Variants in FILIP1L observed in about 807,000 individuals in gnomAD.
FILIP1L encodes filamin A interacting protein 1 like.
Under a neutral mutation model 96.6 loss-of-function variants are expected in FILIP1L, and 55 were observed. That is an observed-to-expected ratio of 0.57 (90% CI 0.46 to 0.71). The LOEUF is 0.71. Among genes scored for constraint, FILIP1L ranks in the 30% least tolerant of loss-of-function variants. FILIP1L has a pLI of 0.00. For synonymous variants in FILIP1L, 467 were observed against 473.9 expected, an observed-to-expected ratio of 0.99 and a Z score of 0.19; for missense variants, 1,304 against 1,321.2, an observed-to-expected ratio of 0.99 and a Z score of 0.20.
chr3:99,994,989 T>C (rs1248660574), intron 1 of FILIP1L, among the ~76,000 whole-genome samples: 1 of 152,156 alleles, frequency 6.6e-6, no homozygotes, highest in Non-Finnish European at 1.5e-5. Flanking sequence ...ATTCCACCCC[T>C]GGCCCCTCCA....
intron 4 of FILIP1L, among the ~76,000 whole-genome samples, chr3:99,908,476 A>G (rs1430546236): frequency 5.9e-5 from 9 of 152,202 alleles, no homozygotes; most frequent in Non-Finnish European, 1.0e-4. Flanking sequence ...CCAGGAATCT[A>G]TACTTTTAAG....
intron 1 of FILIP1L, among the ~76,000 whole-genome samples, chr3:99,958,296 C>A (rs745822855): frequency 1.1e-4 from 17 of 150,076 alleles, no homozygotes; most frequent in Non-Finnish European, 1.9e-4. Context: ...AGAACAGTAA[C>A]AGAAAGGGAA....
intron 1 of FILIP1L, among the ~76,000 whole-genome samples, chr3:99,989,379 C>T (rs1382117832): frequency 6.6e-6 from 1 of 152,128 alleles, no homozygotes; most frequent in Admixed American, 6.5e-5. Context: ...ATCCCCCAGA[C>T]AAGAAGACTA....
intron 1 of FILIP1L, among the ~76,000 whole-genome samples, chr3:99,952,294 T>A (rs1160600645): frequency 6.6e-6 from 1 of 152,218 alleles, no homozygotes; most frequent in African/African-American, 2.4e-5. Flanking sequence ...TTATTTTGGC[T>A]TAAGCTAGAC....
intron 1 of FILIP1L, among the ~76,000 whole-genome samples, chr3:99,935,109 G>C (rs909139873): frequency 6.6e-6 from 1 of 152,054 alleles, no homozygotes; most frequent in South Asian, 2.1e-4. Context: ...AGAAAACAAA[G>C]ACATGAATTT....
intron 3 of FILIP1L, among the ~76,000 whole-genome samples, chr3:99,925,073 G>C (rs551221488): frequency 5.5e-4 from 84 of 152,260 alleles, no homozygotes; most frequent in Non-Finnish European, 1.1e-3. Flanking sequence ...ATTCGCAGCT[G>C]CCCTAGCTGA....
Position 99,900,136 on chromosome 3 carries a change from GAATT to G in FILIP1L, c.605+24090_605+24093del, listed in dbSNP as rs375105890. On this transcript the variant is annotated intron_variant, in intron 4 of 5. Transcript: ENST00000477258. ...GGTATTCAGTAAATATGTATTGGAT[GAATT>G]AATTTAAAAATTAAAAATATTATAT... Among the ~76,000 whole-genome samples the G allele has an allele frequency of 3.4e-3, 514 of 152,176 alleles. 2 individuals are homozygous for G. Among genetic ancestry groups the G allele is most frequent in the Non-Finnish European group, 4.8e-3 (329 of 67,998 alleles).
intron 4 of FILIP1L, among the ~76,000 whole-genome samples, chr3:99,903,554 A>G (rs557845829): frequency 2.0e-5 from 3 of 152,244 alleles, no homozygotes; most frequent in Admixed American, 6.5e-5. Flanking sequence ...CCGGCCATGT[A>G]TGCATGTTTT....
intron 4 of FILIP1L, among the ~76,000 whole-genome samples, chr3:99,857,216 T>C (rs1040607767): frequency 2.6e-5 from 4 of 152,256 alleles, no homozygotes; most frequent in Non-Finnish European, 5.9e-5. Flanking sequence ...TGTACATGTT[T>C]TTAGGCATTT....
chr3:99,858,342 G>A (rs537449281), intron 4 of FILIP1L, among the ~76,000 whole-genome samples: 2 of 152,064 alleles, frequency 1.3e-5, no homozygotes, highest in African/African-American at 4.8e-5. Flanking sequence ...GCACGTGCCT[G>A]TGGTCCCAGC....
chr3:99,992,994 G>T (rs549488251), intron 1 of FILIP1L, among the ~76,000 whole-genome samples: 1 of 152,090 alleles, frequency 6.6e-6, no homozygotes, highest in East Asian at 1.9e-4. Context: ...CCGTATTTCT[G>T]GGTTCTCTCT....
rs147694405 is a variant in FILIP1L at position 100,054,570 on chromosome 3, CT to C, written c.-11+59482del. ...ATGTTATGTTGTTACCTACCTGCCCCTGTTGGCATTTGAACTATCCACTCCT... is the reference window on the plus strand; with the variant it reads ...ATGTTATGTTGTTACCTACCTGCCCCGTTGGCATTTGAACTATCCACTCCT... On this transcript the variant is annotated intron_variant, in intron 1 of 5. Transcript: ENST00000477258. 4.5e-3 allele frequency among the ~76,000 whole-genome samples: 679 copies of C among 151,850 alleles called. 7 individuals carry two copies. The highest frequency in any genetic ancestry group is 0.016 in the African/African-American group (665 of 41,418).
At chr3:100,010,113 T>C in intron 1 of FILIP1L, 1 of 937,014 alleles carries the variant, frequency 1.1e-6, no homozygotes, top group Non-Finnish European at 1.3e-6. Flanking sequence ...TTTTTCTTTC[T>C]GTCTCTCTTA....
chr3:100,008,259 T>TG (rs1559723329), intron 1 of FILIP1L, among the ~76,000 whole-genome samples: 1 of 152,130 alleles, frequency 6.6e-6, no homozygotes, highest in African/African-American at 2.4e-5. Context: ...TGCTTCCCAA[T>TG]TAGATTCCCT....
chr3:100,100,574 G>C (rs190131886), intron 1 of FILIP1L, among the ~76,000 whole-genome samples: 79 of 152,270 alleles, frequency 5.2e-4, no homozygotes, highest in African/African-American at 1.7e-3. Flanking sequence ...GAGAGATTCA[G>C]AGCACACCAT....
intron 1 of FILIP1L, among the ~76,000 whole-genome samples, chr3:99,938,267 G>C (rs1216542112): frequency 1.3e-5 from 2 of 152,182 alleles, no homozygotes; most frequent in Non-Finnish European, 2.9e-5. Flanking sequence ...AACTGAGTAT[G>C]CACTACACTA....
intron 1 of FILIP1L, among the ~76,000 whole-genome samples, chr3:99,946,599 A>AT (rs1559699089): frequency 2.0e-5 from 3 of 152,108 alleles, no homozygotes; most frequent in Non-Finnish European, 2.9e-5. Flanking sequence ...AAATGATGCC[A>AT]TTTTTTTTAG....
chr3:99,916,390 C>A (rs1706950966), intron 4 of FILIP1L, among the ~76,000 whole-genome samples: 1 of 151,588 alleles, frequency 6.6e-6, no homozygotes, highest in Non-Finnish European at 1.5e-5. Flanking sequence ...CATGCAACTG[C>A]CCAGCCTTCA....
intron 1 of FILIP1L, among the ~76,000 whole-genome samples, chr3:100,031,342 A>G (rs985456745): frequency 2.0e-5 from 3 of 152,098 alleles, no homozygotes; most frequent in South Asian, 2.1e-4. Context: ...TAGCAGTCCA[A>G]TAGAAATGTT....
Sources: gnomAD v4.1 joint callset for allele counts (sites outside exome capture counted in the v4.1 genomes callset) on GRCh38, gnomAD v4.1.1 for gene constraint, MANE v1.5 for transcripts, NCBI Gene and HGNC (gene_info 2026-07-23, HGNC 2026-07-21) for gene names.